The following PCDHGA4 variants were observed in gnomAD, a reference collection of about 807,000 sequenced individuals.
The protein encoded by PCDHGA4 is protocadherin gamma subfamily A, 4.
PCDHGA4 carries 38 observed loss-of-function variants against 54.6 expected under a neutral mutation model. That is an observed-to-expected ratio of 0.70 (90% CI 0.54 to 0.91). The LOEUF is 0.91. Among genes scored for constraint, PCDHGA4 ranks in the 40% least tolerant of loss-of-function variants. The pLI, the probability that PCDHGA4 is intolerant of heterozygous loss-of-function variation, is 0.00. For synonymous variants in PCDHGA4, 511 were observed against 512.9 expected (o/e 1.00, Z 0.05); for missense variants, 1,298 against 1,220.9 (o/e 1.06, Z -0.94).
chr5:141,427,129 T>A lies in PCDHGA4; in HGVS notation c.2515-67678T>A, dbSNP rs752552669. ...GAGATCACCTACTCTTTCAAATCCC[T>A]ACGAGATGATATTGGAAATATGTTT... On this transcript the variant is annotated intron_variant, in intron 1 of 3. Coordinates refer to ENST00000571252, the MANE Select transcript of PCDHGA4 (RefSeq NM_018917.4). 125 of 457,106 alleles carry A rather than the reference T, an allele frequency of 2.7e-4. 2 individuals are homozygous for A. Among genetic ancestry groups the A allele is most frequent in the Non-Finnish European group, 4.0e-5 (9 of 227,024 alleles). The allele number at this position is 457,106 out of a possible 1,614,324, so 28.3% of individuals were successfully genotyped here.
intron 1 of PCDHGA4, chr5:141,376,210 C>G (rs112869528): frequency 6.2e-7 from 1 of 1,614,162 alleles, no homozygotes; most frequent in Non-Finnish European, 8.5e-7. Context: ...CCTTCGTCAT[C>G]GTGCTGCTGG....
At chr5:141,386,834 G>A (rs1253552836) in intron 1 of PCDHGA4, among the ~76,000 whole-genome samples, 1 of 152,192 alleles carries the variant, frequency 6.6e-6, no homozygotes, top group East Asian at 1.9e-4. Context: ...GCAATGGAGA[G>A]ACATAATCAC....
At chr5:141,465,032 A>C (rs2154568703) in intron 1 of PCDHGA4, among the ~76,000 whole-genome samples, 1 of 151,870 alleles carries the variant, frequency 6.6e-6, no homozygotes, top group Admixed American at 6.6e-5. Context: ...ATGAACCACC[A>C]CAAATGACCC....
intron 1 of PCDHGA4, among the ~76,000 whole-genome samples, chr5:141,456,483 CTTAATA>C (rs2098861684): frequency 1.3e-5 from 2 of 152,072 alleles, no homozygotes; most frequent in African/African-American, 4.8e-5. Context: ...CAAGAGAGTG[CTTAATA>C]AAGGGGTTAA....
Position 141,356,666 on chromosome 5 carries a change from A to G in PCDHGA4, c.1559A>G (p.Tyr520Cys), listed in dbSNP as rs1760298726. Residue 520 changes from tyrosine to cysteine, a missense_variant, in exon 1 of 4, where the codon TAC becomes TGC. Transcript: ENST00000571252. ...PDSGDNARITYSLAEDTFQGA... is the reference protein window; with the variant it reads ...PDSGDNARITCSLAEDTFQGA... ...AGTGGTGACAATGCCCGAATCACTTACTCCCTGGCCGAAGACACCTTCCAG... is the reference window on the plus strand; with the variant it reads ...AGTGGTGACAATGCCCGAATCACTTGCTCCCTGGCCGAAGACACCTTCCAG... 1 of 1,613,726 alleles carries G rather than the reference A, an allele frequency of 6.2e-7. No homozygotes were observed. Among genetic ancestry groups the G allele is most frequent in the Admixed American group, 1.7e-5 (1 of 59,992 alleles).
intron 1 of PCDHGA4, chr5:141,384,775 G>A: frequency 6.2e-7 from 1 of 1,613,910 alleles, no homozygotes; most frequent in Non-Finnish European, 8.5e-7. Flanking sequence ...CACGGGCGAG[G>A]TGCGCACGGC....
At chr5:141,478,108 G>A (rs1160328367) in intron 1 of PCDHGA4, 1 of 1,614,046 alleles carries the variant, frequency 6.2e-7, no homozygotes, top group Admixed American at 1.7e-5. Flanking sequence ...CCCTCACTGT[G>A]TCAGTAACCG....
In PCDHGA4 at chr5:141,357,034, A is replaced by G. The variant is rs1200830178; in HGVS notation, c.1927A>G (p.Ser643Gly). 6.2e-7 allele frequency: 1 copy of G among 1,614,038 alleles called. No individual in the cohort carries two copies. The highest frequency in any genetic ancestry group is 8.5e-7 in the Non-Finnish European group (1 of 1,179,978). ...GCTGTCCTACAGCCTACTCAAGTCC[A>G]GCGAGCCGGGACTATTTGCAGTGGG... ...AWLSYSLLKS[S>G]EPGLFAVGLH... The change falls in exon 1 of 4, where the codon AGC (serine) becomes GGC (glycine). Residue 643 changes from serine (S) to glycine (G), a missense_variant. Physicochemically the swap from Ser to Gly is moderately conservative, Grantham distance 56. Coordinates refer to ENST00000571252, the MANE Select transcript of PCDHGA4 (RefSeq NM_018917.4).
rs201850389 is a variant in PCDHGA4, at chr5:141,371,846, T to A, written c.2514+14225T>A. 284 of 1,613,662 alleles carry A rather than the reference T, an allele frequency of 1.8e-4. 1 individual carries two copies. Among genetic ancestry groups the A allele is most frequent in the Admixed American group, 2.0e-4 (12 of 60,036 alleles). On this transcript the variant is annotated intron_variant, in intron 1 of 3. Coordinates refer to ENST00000571252, the MANE Select transcript of PCDHGA4 (RefSeq NM_018917.4). Reference sequence around the variant, plus strand: ...CCTCGGATCCCGACTTGGGACCTAATGGCCTTGTCTCCTACTACATCGTGG... The same window carrying A: ...CCTCGGATCCCGACTTGGGACCTAAAGGCCTTGTCTCCTACTACATCGTGG...
intron 1 of PCDHGA4, among the ~76,000 whole-genome samples, chr5:141,397,322 AATT>A (rs1264296504): frequency 6.6e-6 from 1 of 152,188 alleles, no homozygotes; most frequent in Non-Finnish European, 1.5e-5. Flanking sequence ...AGTAAAGAAA[AATT>A]ATTTTTATAA....
rs2149795204 is a variant in PCDHGA4 at position 141,357,263 on chromosome 5, G to A, written c.2156G>A (p.Gly719Asp). Reference sequence around the variant, plus strand: ...CCTTCAGCAGACCCAGACGACTCGGGCCTCACACTCTATCTCGTGGTGGCA... The same window carrying A: ...CCTTCAGCAGACCCAGACGACTCGGACCTCACACTCTATCTCGTGGTGGCA... Reference protein sequence around the residue: ...LKPSADPDDSGLTLYLVVAVA... With the variant: ...LKPSADPDDSDLTLYLVVAVA... Residue 719 changes from glycine (G) to aspartate (D), a missense_variant, in exon 1 of 4, where the codon GGC becomes GAC. Coordinates refer to ENST00000571252, the MANE Select transcript of PCDHGA4 (RefSeq NM_018917.4). 1.9e-6 allele frequency: 3 copies of A among 1,613,814 alleles called. No individual in the cohort carries two copies. The highest frequency in any genetic ancestry group is 4.5e-5 in the East Asian group (2 of 44,876).
intron 1 of PCDHGA4, chr5:141,399,589 A>T: frequency 6.2e-7 from 1 of 1,613,984 alleles, no homozygotes; most frequent in Non-Finnish European, 8.5e-7. Context: ...CTACTCTATC[A>T]TGGCCAGCGA....
chr5:141,415,203 G>C (rs2095843560), intron 1 of PCDHGA4: 24 of 1,614,032 alleles, frequency 1.5e-5, no homozygotes, highest in Non-Finnish European at 2.0e-5. Flanking sequence ...CCCAAGTCCT[G>C]GCGGACCTCG....
In PCDHGA4 at chr5:141,385,275, A is replaced by G. The variant is rs115152670; in HGVS notation, c.2514+27654A>G. The G allele has an allele frequency of 1.9e-3, 3,011 of 1,613,598 alleles. 48 individuals carry two copies. In the African/African-American group the frequency reaches 0.033, roughly 18 times the overall value. On this transcript the variant is annotated intron_variant, in intron 1 of 3. Coordinates refer to ENST00000571252, the MANE Select transcript of PCDHGA4 (RefSeq NM_018917.4). ...GCTGTGAGAAAAATGATTCTTTGCTAACATCCGTAGATTTTCAGGAATGTA... is the reference window on the plus strand; with the variant it reads ...GCTGTGAGAAAAATGATTCTTTGCTGACATCCGTAGATTTTCAGGAATGTA...
chr5:141,494,935 G>A, intron 2 of PCDHGA4, 70 bp downstream of exon 2: 1 of 1,612,482 alleles, frequency 6.2e-7, no homozygotes, highest in Non-Finnish European at 8.5e-7. Flanking sequence ...GGGAGGAGAT[G>A]GGGGAGGGCC....
chr5:141,357,980 A>C (rs979777324), intron 1 of PCDHGA4, among the ~76,000 whole-genome samples: 2 of 152,164 alleles, frequency 1.3e-5, no homozygotes, highest in Non-Finnish European at 2.9e-5. Context: ...GCCTGAGCTC[A>C]GGAGTTCGAG....
intron 1 of PCDHGA4, chr5:141,385,782 T>G (rs1169105462): frequency 6.2e-6 from 1 of 160,564 alleles, no homozygotes; most frequent in Non-Finnish European, 1.3e-5. Context: ...TCCATGTACC[T>G]CAGCTTGGTG....
At chr5:141,366,160 G>T in intron 1 of PCDHGA4, 1 of 1,614,118 alleles carries the variant, frequency 6.2e-7, no homozygotes, top group Non-Finnish European at 8.5e-7. Flanking sequence ...GCCTGCTTAA[G>T]GCCAGCGAGC....
At chr5:141,366,172 A>G (rs559505576) in intron 1 of PCDHGA4, 15 of 1,614,076 alleles carry the variant, frequency 9.3e-6, no homozygotes, top group African/African-American at 8.0e-5. Context: ...CCAGCGAGCC[A>G]GGACTCTTTG....
Sources: allele counts gnomAD v4.1 joint callset (sites outside exome capture counted in the v4.1 genomes callset), GRCh38; gene constraint gnomAD v4.1.1; transcripts MANE v1.5; gene names NCBI Gene and HGNC (gene_info 2026-07-23, HGNC 2026-07-21).